Variants in FAT1 observed in about 807,000 individuals in gnomAD.
The protein encoded by FAT1 is protocadherin Fat 1.
FAT1 carries 171 observed loss-of-function variants against 329.8 expected under a neutral mutation model. The ratio of observed to expected loss-of-function variants is 0.52; its 90% CI spans 0.46 to 0.59. FAT1 has a LOEUF of 0.59. Among genes scored for constraint, FAT1 ranks in the 20% least tolerant of loss-of-function variants. The probability of loss-of-function intolerance (pLI) is 0.00; values close to 1 mark genes in which losing one functional copy is unlikely to be tolerated. For missense variants in FAT1, 5,672 were observed against 5,774.4 expected, an observed-to-expected ratio of 0.98 and a Z score of 0.57; for synonymous variants, 2,233 against 2,228.6, an observed-to-expected ratio of 1.00 and a Z score of -0.06.
chr4:186,675,583 ATGGCAAAACCC>A (rs1305729647), intron 2 of FAT1, among the ~76,000 whole-genome samples: 1 of 152,110 alleles, frequency 6.6e-6, no homozygotes, highest in Non-Finnish European at 1.5e-5. Context: ...GCTGGGCAAC[ATGGCAAAACCC>A]TGTCTCTACT....
At position 186,618,292 on chromosome 4, in the gene FAT1, C is replaced by G. The variant is rs370927377; in HGVS notation, c.8294G>C (p.Ser2765Thr). ...RQSGRLKLEK[S>T]LDHETTKWYQ... ...CCACTTAGTTGTCTCATGATCAAGACTCTTCTCCAACTTCAGTCTCCCGCT... is the reference window on the plus strand; with the variant it reads ...CCACTTAGTTGTCTCATGATCAAGAGTCTTCTCCAACTTCAGTCTCCCGCT... Residue 2765 changes from serine to threonine, a missense_variant, in exon 10 of 27, where the codon AGT becomes ACT. Ser to Thr is a moderately conservative substitution (Grantham distance 58). Transcript: ENST00000441802. 4 of 1,613,930 alleles carry G rather than the reference C, an allele frequency of 2.5e-6. No individual in the cohort carries two copies. Among genetic ancestry groups the G allele is most frequent in the Non-Finnish European group, 3.4e-6 (4 of 1,179,910 alleles).
At chr4:186,589,741 A>G (rs1738147664) in intron 26 of FAT1, among the ~76,000 whole-genome samples, 1 of 152,176 alleles carries the variant, frequency 6.6e-6, no homozygotes, top group African/African-American at 2.4e-5. Context: ...TATGTTGCCC[A>G]GGCTGGTCTT....
In FAT1 at chr4:186,589,105, G is replaced by T. The variant is rs753540274; in HGVS notation, c.13254C>A (p.Asn4418Lys). The stretch of plus-strand genomic sequence containing the variant: ...CAGGGTAATAGTCCGTATCGATGGC[G>T]TTTGGATCTGCTGAGTACAGGGGTG... ...EQTPLYSADPNAIDTDYYPGG... is the reference protein window; with the variant it reads ...EQTPLYSADPKAIDTDYYPGG... The change falls in exon 27 of 27, where the codon AAC (asparagine) becomes AAA (lysine). Residue 4418 changes from asparagine (N) to lysine (K), a missense_variant. Physicochemically the swap from Asn to Lys is moderately conservative, Grantham distance 94. This residue lies in a region of FAT1 where 1,706 missense variants were observed against 1,859.1 expected (regional missense o/e 0.92). Coordinates refer to ENST00000441802, the MANE Select transcript of FAT1 (RefSeq NM_005245.4). 1 of 1,613,802 alleles carries T rather than the reference G, an allele frequency of 6.2e-7. No individual in the cohort carries two copies. Among genetic ancestry groups the T allele is most frequent in the African/African-American group, 1.3e-5 (1 of 74,884 alleles).
At position 186,709,332 on chromosome 4, in the gene FAT1, T is replaced by C. The variant is rs1172132616; in HGVS notation, c.496A>G (p.Thr166Ala). Residue 166 changes from threonine to alanine, a missense_variant, in exon 2 of 27, where the codon ACC becomes GCC. Physicochemically the swap from Thr to Ala is moderately conservative, Grantham distance 58. This residue lies in a region of FAT1 where 3,966 missense variants were observed against 3,915.2 expected (regional missense o/e 1.01). Transcript: ENST00000441802. ...VSLPENTAIR[T>A]SIARVSATDA... Reference sequence around the variant, plus strand: ...GTGGCGCTGACTCTTGCGATACTGGTCCTTATAGCTGTGTTTTCAGGTAAA... The same window carrying C: ...GTGGCGCTGACTCTTGCGATACTGGCCCTTATAGCTGTGTTTTCAGGTAAA... 6.2e-7 allele frequency: 1 copy of C among 1,614,014 alleles called. No individual in the cohort carries two copies. The highest frequency in any genetic ancestry group is 1.1e-5 in the South Asian group (1 of 91,088).
chr4:186,697,217 T>TA (rs1201825863), intron 2 of FAT1, among the ~76,000 whole-genome samples: 1 of 152,100 alleles, frequency 6.6e-6, no homozygotes, highest in Non-Finnish European at 1.5e-5. Flanking sequence ...CTGCTTAACT[T>TA]AAACGAGGTA....
intron 2 of FAT1, among the ~76,000 whole-genome samples, chr4:186,679,160 C>T (rs1743082078): frequency 1.3e-5 from 2 of 152,090 alleles, no homozygotes; most frequent in Admixed American, 1.3e-4. Flanking sequence ...GCGGGTGGAT[C>T]ACGAGGTCAG....
intron 9 of FAT1, among the ~76,000 whole-genome samples, chr4:186,627,542 G>A (rs917548797): frequency 6.6e-6 from 1 of 151,972 alleles, no homozygotes; most frequent in Non-Finnish European, 1.5e-5. Context: ...TGCTGCCCTT[G>A]CTGCCTCAAG....
chr4:186,701,022 C>A (rs1056528688), intron 2 of FAT1, among the ~76,000 whole-genome samples: 6 of 152,230 alleles, frequency 3.9e-5, no homozygotes, highest in Non-Finnish European at 7.3e-5. Context: ...TGCTGCTCCA[C>A]AACGTGGGAC....
At chr4:186,667,093 T>G (rs1163114862) in intron 2 of FAT1, among the ~76,000 whole-genome samples, 2 of 152,178 alleles carry the variant, frequency 1.3e-5, no homozygotes, top group Non-Finnish European at 2.9e-5. Context: ...TTCTCTAATC[T>G]CAAGGGAAAA....
At position 186,595,765 on chromosome 4, in the gene FAT1, C is replaced by T. The variant is rs2126382523; in HGVS notation, c.13062G>A (p.Gln4354=). The T allele has an allele frequency of 6.2e-7, 1 of 1,613,948 alleles. No individual in the cohort carries two copies. Among genetic ancestry groups the T allele is most frequent in the Non-Finnish European group, 8.5e-7 (1 of 1,179,880 alleles). ...SKKPLEEKPS[Q]PYSARESLSE... ...ACAGGCTTTCCCGGGCACTGTATGG[C>T]TGGGAAGGCTTTTCCTCTAGAGGCT... The change falls in exon 26 of 27, where the codon CAG becomes CAA. Residue 4354 remains glutamine, a synonymous_variant. Coordinates refer to ENST00000441802, the MANE Select transcript of FAT1 (RefSeq NM_005245.4).
In FAT1 at chr4:186,617,111, T is replaced by A; in HGVS notation, c.8969A>T (p.Asp2990Val). 1 of 1,613,944 alleles carries A rather than the reference T, an allele frequency of 6.2e-7. No homozygotes were observed. Among genetic ancestry groups the A allele is most frequent in the Non-Finnish European group, 8.5e-7 (1 of 1,179,828 alleles). Residue 2990 changes from aspartate (D) to valine (V), a missense_variant, in exon 11 of 27, where the codon GAC (aspartate) becomes GTC (valine). Physicochemically the swap from Asp to Val is radical, Grantham distance 152 (BLOSUM62 -3). Coordinates refer to ENST00000441802, the MANE Select transcript of FAT1 (RefSeq NM_005245.4). ...TGCCGTGATAGTAAGAAGGTAATTG[T>A]CCCTTTTTTCCCTGTCTAGAGGTTT... ...VKKPLDREKR[D>V]NYLLTITATD... is the part of the protein sequence containing the mutation.
chr4:186,706,739 T>G lies in FAT1; in HGVS notation c.3089A>C (p.His1030Pro). ...VEVVDVNENL[H>P]PPVFSSFVEK... ...CACAAAGCTGGAAAACACGGGTGGG[T>G]GCAGGTTCTCATTCACATCAACCAC... The change falls in exon 2 of 27, where the codon CAC (histidine) becomes CCC (proline). Residue 1030 changes from histidine (H) to proline (P), a missense_variant. His to Pro is a moderately conservative substitution (Grantham distance 77, BLOSUM62 -2). Around this residue, in one of 2 missense-constraint regions of FAT1, gnomAD observed 3,966 missense variants for 3,915.2 expected, o/e 1.01. Coordinates refer to ENST00000441802, the MANE Select transcript of FAT1 (RefSeq NM_005245.4). 4.3e-6 allele frequency: 7 copies of G among 1,613,872 alleles called. No homozygotes were observed. Among genetic ancestry groups the G allele is most frequent in the Non-Finnish European group, 5.9e-6 (7 of 1,179,876 alleles).
intron 10 of FAT1, among the ~76,000 whole-genome samples, chr4:186,617,486 G>A (rs1289330217): frequency 1.3e-5 from 2 of 152,092 alleles, no homozygotes; most frequent in African/African-American, 4.8e-5. Context: ...AAAAGAATGA[G>A]TCACAAAAAT....
chr4:186,697,282 A>G (rs1428781732), intron 2 of FAT1, among the ~76,000 whole-genome samples: 1 of 152,042 alleles, frequency 6.6e-6, no homozygotes, highest in Non-Finnish European at 1.5e-5. Flanking sequence ...TTACACATGA[A>G]CTCTTTTCAA....
rs1325935358 is a variant in FAT1 at position 186,619,556 on chromosome 4, G to A, written c.7030C>T (p.Leu2344=). The change falls in exon 10 of 27, where the codon CTA becomes TTA. Residue 2344 remains leucine, a synonymous_variant. Transcript: ENST00000441802. ...TGCTCGTAATCCAGGGTTCTGAGTA[G>A]TGAGATGAGGCCAGTGCTGCTGTCT... ...HVDSSTGLIS[L]LRTLDYEQSR... is the part of the protein sequence containing the mutation. 2 of 1,613,956 alleles carry A rather than the reference G, an allele frequency of 1.2e-6. No homozygotes were observed. Among genetic ancestry groups the A allele is most frequent in the South Asian group, 1.1e-5 (1 of 91,086 alleles).
At position 186,654,843 on chromosome 4, in the gene FAT1, A is replaced by G. The variant is rs201507170; in HGVS notation, c.3580+8456T>C. Among the ~76,000 whole-genome samples, 15 of 151,764 alleles carry G rather than the reference A, an allele frequency of 9.9e-5. No homozygotes were observed. In the East Asian group the frequency reaches 2.9e-3, roughly 30 times the overall value. On this transcript the variant is annotated intron_variant, in intron 3 of 26. Coordinates refer to ENST00000441802, the MANE Select transcript of FAT1 (RefSeq NM_005245.4). ...GGAAGAACTTGGGCAGAGGAGTTTG[A>G]GGCTGCAGTGAGCCAAGATGGCATC...
intron 1 of FAT1, among the ~76,000 whole-genome samples, chr4:186,711,144 A>G (rs1290017637): frequency 6.6e-6 from 1 of 152,198 alleles, no homozygotes; most frequent in Non-Finnish European, 1.5e-5. Flanking sequence ...CCCAGTTGAA[A>G]TTGGTACGAC....
intron 6 of FAT1, 104 bp downstream of exon 6, chr4:186,635,921 T>C (rs924276235): frequency 2.7e-5 from 26 of 973,624 alleles, no homozygotes; most frequent in Admixed American, 5.1e-5. Flanking sequence ...GTCGATCTTA[T>C]TCCCAATTTT....
chr4:186,693,393 C>G (rs188771999), intron 2 of FAT1, among the ~76,000 whole-genome samples: 1 of 104,266 alleles, frequency 9.6e-6, no homozygotes, highest in Non-Finnish European at 1.9e-5. Flanking sequence ...TGTCACAGCA[C>G]GTGGGAGATG....
Sources: gnomAD v4.1 joint callset for allele counts (sites outside exome capture counted in the v4.1 genomes callset) on GRCh38, gnomAD v4.1.1 for gene constraint, gnomAD v4.1.1 regional missense constraint, MANE v1.5 for transcripts, NCBI Gene and HGNC (gene_info 2026-07-23, HGNC 2026-07-21) for gene names.